WDR35: variants seen among roughly 807,000 people sequenced by gnomAD.
WDR35 encodes WD repeat domain 35.
Under a neutral mutation model 158.3 loss-of-function variants are expected in WDR35, and 118 were observed. The observed-to-expected ratio is 0.75, with a 90% CI of 0.64 to 0.87. WDR35 has a LOEUF of 0.87. Ranked by LOEUF, WDR35 falls within the 40% of genes least tolerant of loss-of-function variation. The probability of loss-of-function intolerance (pLI) is 0.00; values close to 1 mark genes in which losing one functional copy is unlikely to be tolerated. For missense variants in WDR35, 1,263 were observed against 1,405.8 expected (o/e 0.90, Z 1.62); for synonymous variants, 448 against 476.1 (o/e 0.94, Z 0.77).
Position 19,914,345 on chromosome 2 carries a change from G to T in WDR35, c.3122-68C>A, listed in dbSNP as rs185806070. ...ATGATATCATGAACATGCAAAAGAAGAATCTAAGTTAAGGTGATTTCATTG... is the reference window on the plus strand; with the variant it reads ...ATGATATCATGAACATGCAAAAGAATAATCTAAGTTAAGGTGATTTCATTG... On this transcript the variant is annotated intron_variant, in intron 25 of 26. Transcript: ENST00000281405. 2.1e-4 allele frequency: 329 copies of T among 1,595,798 alleles called. 1 individual carries two copies. In the African/African-American group the frequency reaches 4.0e-3, roughly 19 times the overall value.
At chr2:19,986,493 T>C (rs1421675426) in intron 2 of WDR35, among the ~76,000 whole-genome samples, 2 of 152,190 alleles carry the variant, frequency 1.3e-5, no homozygotes, top group Non-Finnish European at 2.9e-5. Context: ...AAGTAGTACG[T>C]CTAAATATAA....
intron 2 of WDR35, among the ~76,000 whole-genome samples, chr2:19,987,281 T>G (rs1465939859): frequency 6.6e-6 from 1 of 152,220 alleles, no homozygotes; most frequent in Non-Finnish European, 1.5e-5. Context: ...TATAATATAC[T>G]GATCTTGTTA....
chr2:19,930,166 T>C (rs1414223263), intron 25 of WDR35, among the ~76,000 whole-genome samples: 1 of 152,020 alleles, frequency 6.6e-6, no homozygotes, highest in Non-Finnish European at 1.5e-5. Flanking sequence ...ATGAATGCTA[T>C]ACACATTCTT....
In WDR35 at chr2:19,953,960, A is replaced by G. The variant is rs1277877751; in HGVS notation, c.1274T>C (p.Met425Thr). 1 of 1,614,146 alleles carries G rather than the reference A, an allele frequency of 6.2e-7. No homozygotes were observed. The highest frequency in any genetic ancestry group is 2.2e-5 in the East Asian group (1 of 44,868). ...YIDIVPLFVA[M>T]TKTHVIAASK... ...GGCTGCTATCACATGGGTTTTGGTC[A>G]TTGCAACAAACAATGGTACTGTTAA... The change falls in exon 12 of 27, where the codon ATG becomes ACG. Residue 425 changes from methionine to threonine, a missense_variant. Transcript: ENST00000281405.
chr2:19,915,941 G>C (rs1273819579), intron 25 of WDR35, among the ~76,000 whole-genome samples: 1 of 137,144 alleles, frequency 7.3e-6, no homozygotes, highest in African/African-American at 2.7e-5. Flanking sequence ...AAAAAAAAAA[G>C]TTGGCCTTGG....
intron 25 of WDR35, among the ~76,000 whole-genome samples, chr2:19,920,717 A>G (rs2103385796): frequency 6.6e-6 from 1 of 152,334 alleles, no homozygotes; most frequent in African/African-American, 2.4e-5. Context: ...ACAGTATTGG[A>G]AGTTCTGGCC....
intron 16 of WDR35, among the ~76,000 whole-genome samples, chr2:19,945,086 C>A (rs1017105603): frequency 6.6e-6 from 1 of 152,080 alleles, no homozygotes; most frequent in African/African-American, 2.4e-5. Context: ...GGTTACCACT[C>A]GGATTATTTT....
chr2:19,914,333 C>T (rs1669932124), intron 25 of WDR35, 56 bp from the exon 26 acceptor site: 2 of 1,604,524 alleles, frequency 1.2e-6, no homozygotes, highest in Admixed American at 3.3e-5. Flanking sequence ...ATATCATGAA[C>T]ATGCAAAAGA....
At chr2:19,932,511 A>G (rs1370155669) in intron 22 of WDR35, 64 bp from the exon 23 acceptor site, 3 of 1,599,294 alleles carry the variant, frequency 1.9e-6, no homozygotes, top group Non-Finnish European at 2.6e-6. Flanking sequence ...CATAAAATTC[A>G]CACAAGAAAG....
intron 12 of WDR35, among the ~76,000 whole-genome samples, chr2:19,952,488 T>A (rs1208667737): frequency 1.3e-5 from 2 of 152,198 alleles, no homozygotes; most frequent in African/African-American, 4.8e-5. Flanking sequence ...AAATGCTGTC[T>A]TCTTGATTTA....
At chr2:19,974,862 A>C (rs769453256) in intron 6 of WDR35, among the ~76,000 whole-genome samples, 3 of 152,188 alleles carry the variant, frequency 2.0e-5, no homozygotes, top group African/African-American at 4.8e-5. Context: ...TTTTTATGAG[A>C]CTCAAACAAC....
chr2:19,937,756 C>T lies in WDR35; in HGVS notation c.2254G>A (p.Glu752Lys), dbSNP rs756006241. The T allele has an allele frequency of 3.7e-5, 60 of 1,613,994 alleles. No homozygotes were observed. The Admixed American group carries it at 7.7e-4, about 21-fold the overall frequency. Residue 752 changes from glutamate (E) to lysine (K), a missense_variant, in exon 19 of 27, where the codon GAG (glutamate) becomes AAG (lysine). Glu to Lys is a moderately conservative substitution (Grantham distance 56). Coordinates refer to ENST00000281405, the MANE Select transcript of WDR35 (RefSeq NM_020779.4). ...RFEEAERTYL[E>K]MDRRDLAIGL... The stretch of plus-strand genomic sequence containing the variant: ...TTCATAACTTACCTTCTGTCCATCT[C>T]GAGATACGTTCTTTCAGCCTCTTCA...
intron 10 of WDR35, 118 bp downstream of exon 10, chr2:19,966,606 G>T: frequency 8.3e-7 from 1 of 1,198,316 alleles, no homozygotes; most frequent in Non-Finnish European, 1.2e-6. Flanking sequence ...GACCAATAGT[G>T]CCAACAGACC....
intron 9 of WDR35, among the ~76,000 whole-genome samples, 178 bp downstream of exon 9, chr2:19,969,302 G>A (rs1271513490): frequency 6.6e-6 from 1 of 152,182 alleles, no homozygotes; most frequent in Non-Finnish European, 1.5e-5. Flanking sequence ...GACTCATGGA[G>A]TAATTTTACT....
chr2:19,912,027 G>A lies in WDR35; in HGVS notation c.*1531C>T, dbSNP rs1325053042. 1 of 152,120 alleles carries A rather than the reference G, an allele frequency of 6.6e-6. No individual in the cohort carries two copies. The highest frequency in any genetic ancestry group is 1.5e-5 in the Non-Finnish European group (1 of 68,016). 9.4% of individuals were successfully genotyped at this position (152,120 alleles called of 1,614,324 possible). A position where few individuals can be genotyped will look rare whatever the true frequency, so the allele number is the denominator to read the frequency against. ...GTCATCTGGCTCAAGCGGCCACTCT[G>A]GTCCTTTTTGTAACCCGACTATTAG... On this transcript the variant is annotated 3_prime_UTR_variant, in exon 27 of 27. Coordinates refer to ENST00000281405, the MANE Select transcript of WDR35 (RefSeq NM_020779.4).
chr2:19,966,678 C>T (rs752192024), intron 10 of WDR35, 46 bp downstream of exon 10: 2 of 1,603,732 alleles, frequency 1.2e-6, no homozygotes, highest in Admixed American at 3.3e-5. Context: ...AACTATAACC[C>T]AAGCAGTTAG....
intron 8 of WDR35, 143 bp from the exon 9 acceptor site, chr2:19,969,748 A>ATTTT: frequency 2.3e-5 from 14 of 619,298 alleles, no homozygotes; most frequent in Middle Eastern, 4.3e-4. Flanking sequence ...TGTTTCTTGA[A>ATTTT]TTTTTTTTTT....
intron 5 of WDR35, among the ~76,000 whole-genome samples, chr2:19,976,360 G>A (rs1261212204): frequency 6.6e-6 from 1 of 151,940 alleles, no homozygotes; most frequent in Non-Finnish European, 1.5e-5. Context: ...CACTTCAACT[G>A]CCACTCAACC....
rs929483471 is a variant in WDR35 at position 19,913,459 on chromosome 2, C to T, written c.*99G>A. 1.1e-5 allele frequency: 16 copies of T among 1,472,102 alleles called. No individual in the cohort carries two copies. In the South Asian group the frequency reaches 1.9e-4, roughly 18 times the overall value. The allele number at this position is 1,472,102 out of a possible 1,614,324, so 91.2% of individuals were successfully genotyped here. On this transcript the variant is annotated 3_prime_UTR_variant, in exon 27 of 27. Transcript: ENST00000281405. Reference sequence around the variant, plus strand: ...AACTATAAATAATGAGGCTGATTTTCATACAAAACTCACAGAAATAAACCT... The same window carrying T: ...AACTATAAATAATGAGGCTGATTTTTATACAAAACTCACAGAAATAAACCT...
Sources: allele counts gnomAD v4.1 joint callset (sites outside exome capture counted in the v4.1 genomes callset), GRCh38; gene constraint gnomAD v4.1.1; transcripts MANE v1.5; gene names NCBI Gene and HGNC (gene_info 2026-07-23, HGNC 2026-07-21).